CFAP299: variants seen among roughly 807,000 people sequenced by gnomAD.
CFAP299 encodes cilia and flagella associated protein 299.
CFAP299 carries 21 observed loss-of-function variants against 27.0 expected under a neutral mutation model. That is an observed-to-expected ratio of 0.78 (90% CI 0.55 to 1.12). CFAP299 has a LOEUF of 1.12. CFAP299 is among the 50% of genes most tolerant of loss of function. CFAP299 has a pLI of 0.00. For synonymous variants in CFAP299, 104 were observed against 98.1 expected (o/e 1.06, Z -0.36); for missense variants, 310 against 276.6 (o/e 1.12, Z -0.86).
At chr4:80,611,603 AT>A (rs1737983578) in intron 3 of CFAP299, among the ~76,000 whole-genome samples, 1 of 152,062 alleles carries the variant, frequency 6.6e-6, no homozygotes, top group Admixed American at 6.6e-5. Context: ...GTTTTATCAA[AT>A]CCAGACCACA....
intron 2 of CFAP299, among the ~76,000 whole-genome samples, chr4:80,418,585 A>G (rs561302570): frequency 6.6e-6 from 1 of 152,314 alleles, no homozygotes; most frequent in South Asian, 2.1e-4. Context: ...TCTAAAAACA[A>G]TCAAACTTAT....
chr4:80,879,907 G>A (rs768005628), intron 4 of CFAP299, among the ~76,000 whole-genome samples: 1 of 152,150 alleles, frequency 6.6e-6, no homozygotes, highest in Non-Finnish European at 1.5e-5. Flanking sequence ...CAGTCAGAAT[G>A]CCTACATACC....
intron 2 of CFAP299, among the ~76,000 whole-genome samples, chr4:80,495,170 A>G (rs1200436748): frequency 1.3e-5 from 2 of 152,222 alleles, no homozygotes; most frequent in Non-Finnish European, 2.9e-5. Flanking sequence ...ATGCTAAAAT[A>G]TAGTATTAAC....
intron 2 of CFAP299, among the ~76,000 whole-genome samples, chr4:80,474,332 C>T (rs545705917): frequency 7.3e-4 from 111 of 152,170 alleles, no homozygotes; most frequent in Admixed American, 1.8e-3. Flanking sequence ...TGAAATTTTT[C>T]TGGGTGGGAC....
intron 2 of CFAP299, among the ~76,000 whole-genome samples, chr4:80,366,614 A>G (rs1723847785): frequency 6.6e-6 from 1 of 152,220 alleles, no homozygotes; most frequent in African/African-American, 2.4e-5. Flanking sequence ...GAAAGGCATT[A>G]CATTGTTGGT....
the CFAP299 span, among the ~76,000 whole-genome samples, chr4:80,322,390 CT>C: frequency 6.6e-6 from 1 of 152,174 alleles, no homozygotes; most frequent in African/African-American, 2.4e-5. Context: ...GGGACTCAGT[CT>C]TGATACTTTC....
intron 3 of CFAP299, among the ~76,000 whole-genome samples, chr4:80,856,757 A>G (rs967472082): frequency 2.0e-3 from 303 of 152,022 alleles, no homozygotes; most frequent in South Asian, 4.0e-3. Flanking sequence ...TGTTCCATTG[A>G]TCTATATCTC....
At chr4:80,892,583 A>T (rs1362658859) in intron 4 of CFAP299, among the ~76,000 whole-genome samples, 2 of 152,188 alleles carry the variant, frequency 1.3e-5, no homozygotes, top group Admixed American at 6.5e-5. Flanking sequence ...AACATATGCA[A>T]ATTAGTAAAT....
Position 80,892,705 on chromosome 4 carries a change from A to G in CFAP299, c.476+22570A>G, listed in dbSNP as rs139392634. ...TTTCAATGATATAAAAACTCTGAAC[A>G]GATTAGGTATAGAAGGAATATATCT... On this transcript the variant is annotated intron_variant, in intron 4 of 5. Coordinates refer to ENST00000358105, the MANE Select transcript of CFAP299 (RefSeq NM_152770.3). 3.8e-3 allele frequency among the ~76,000 whole-genome samples: 581 copies of G among 152,310 alleles called. 3 individuals are homozygous for G. Among genetic ancestry groups the G allele is most frequent in the Non-Finnish European group, 6.5e-3 (439 of 68,002 alleles).
chr4:80,569,140 C>T (rs577500689), intron 2 of CFAP299, among the ~76,000 whole-genome samples: 223 of 152,172 alleles, frequency 1.5e-3, no homozygotes, highest in African/African-American at 4.9e-3. Flanking sequence ...GTTTCCATCA[C>T]CCTTTGTGAA....
chr4:80,775,291 G>A (rs1407687007), intron 3 of CFAP299, among the ~76,000 whole-genome samples: 6 of 151,806 alleles, frequency 4.0e-5, no homozygotes, highest in East Asian at 3.9e-4. Context: ...TAACATAATC[G>A]CAATATCTCA....
At chr4:80,677,645 TAAAAC>T (rs1719553135) in intron 3 of CFAP299, among the ~76,000 whole-genome samples, 1 of 152,002 alleles carries the variant, frequency 6.6e-6, no homozygotes, top group African/African-American at 2.4e-5. Context: ...ACGGAAAAAA[TAAAAC>T]AAATCTATAT....
At chr4:80,405,557 T>C (rs543003141) in intron 2 of CFAP299, among the ~76,000 whole-genome samples, 1 of 152,204 alleles carries the variant, frequency 6.6e-6, no homozygotes, top group East Asian at 1.9e-4. Context: ...ATTTGCAATT[T>C]TAAAAAATAA....
chr4:80,818,772 T>C (rs1178273444), intron 3 of CFAP299, among the ~76,000 whole-genome samples: 1 of 152,182 alleles, frequency 6.6e-6, no homozygotes, highest in Non-Finnish European at 1.5e-5. Context: ...AGTTGTCATA[T>C]GAAAATGTCA....
intron 3 of CFAP299, among the ~76,000 whole-genome samples, chr4:80,631,657 A>G (rs1290885983): frequency 6.6e-6 from 1 of 152,194 alleles, no homozygotes; most frequent in East Asian, 1.9e-4. Context: ...ATCCATTTGT[A>G]TAAACATATT....
chr4:80,326,913 A>G, the CFAP299 span, among the ~76,000 whole-genome samples: 1 of 152,098 alleles, frequency 6.6e-6, no homozygotes. Context: ...TGTTTTCGTA[A>G]TTTTATATAT....
intron 2 of CFAP299, among the ~76,000 whole-genome samples, chr4:80,487,405 G>A (rs1730874593): frequency 1.3e-5 from 2 of 152,164 alleles, no homozygotes; most frequent in Admixed American, 1.3e-4. Context: ...AGACTGAGGA[G>A]CAGATCATCG....
chr4:80,775,635 G>A (rs1726492086), intron 3 of CFAP299, among the ~76,000 whole-genome samples: 1 of 151,676 alleles, frequency 6.6e-6, no homozygotes, highest in South Asian at 2.1e-4. Context: ...CTAAAAAAAA[G>A]CACCAGAACA....
At chr4:80,374,277 G>A (rs1321376813) in intron 2 of CFAP299, among the ~76,000 whole-genome samples, 4 of 152,086 alleles carry the variant, frequency 2.6e-5, no homozygotes, top group Non-Finnish European at 4.4e-5. Context: ...CAAGTCCTAG[G>A]TCTTGTAGTA....
Sources: gnomAD v4.1 joint callset for allele counts (sites outside exome capture counted in the v4.1 genomes callset) on GRCh38, gnomAD v4.1.1 for gene constraint, MANE v1.5 for transcripts, NCBI Gene and HGNC (gene_info 2026-07-23, HGNC 2026-07-21) for gene names.